Variants in GRIK3 observed in about 807,000 individuals in gnomAD.
GRIK3 encodes glutamate receptor ionotropic, kainate 3.
A neutral mutation model predicts 102.5 loss-of-function variants in GRIK3; 29 were observed. That is an observed-to-expected ratio of 0.28 (90% CI 0.21 to 0.39). The LOEUF is 0.39. GRIK3 is among the 10% of genes least tolerant of loss of function. GRIK3 has a pLI of 1.00. For missense variants in GRIK3, 908 were observed against 1,252.4 expected, an observed-to-expected ratio of 0.73 and a Z score of 4.15; for synonymous variants, 511 against 504.9, an observed-to-expected ratio of 1.01 and a Z score of -0.16.
chr1:36,920,009 T>C (rs1390265438), intron 1 of GRIK3, among the ~76,000 whole-genome samples: 1 of 152,202 alleles, frequency 6.6e-6, no homozygotes, highest in Non-Finnish European at 1.5e-5. Context: ...AAAAGCAAAG[T>C]GTGTGTCCCA....
intron 1 of GRIK3, among the ~76,000 whole-genome samples, chr1:36,902,382 C>A (rs1013211439): frequency 2.6e-5 from 4 of 152,166 alleles, no homozygotes; most frequent in African/African-American, 9.7e-5. Flanking sequence ...TATAGACAGA[C>A]AAATAGATCA....
chr1:36,955,095 A>C (rs507168), intron 1 of GRIK3, among the ~76,000 whole-genome samples: 117,778 of 152,238 alleles, frequency 0.77, 46,138 homozygotes, highest in East Asian at 0.99. Flanking sequence ...CCCCAAGCAG[A>C]CTTCAGCAGT....
At chr1:36,831,088 C>T (rs1640286077) in intron 10 of GRIK3, among the ~76,000 whole-genome samples, 1 of 152,208 alleles carries the variant, frequency 6.6e-6, no homozygotes, top group Non-Finnish European at 1.5e-5. Context: ...AACTAACATT[C>T]CTGCCACTTA....
At chr1:36,940,480 T>G (rs934674178) in intron 1 of GRIK3, among the ~76,000 whole-genome samples, 1 of 152,256 alleles carries the variant, frequency 6.6e-6, no homozygotes, top group Non-Finnish European at 1.5e-5. Flanking sequence ...TTTACCCACT[T>G]TACCCCAGAT....
intron 1 of GRIK3, among the ~76,000 whole-genome samples, chr1:36,986,597 A>C (rs1642310018): frequency 6.6e-6 from 1 of 152,242 alleles, no homozygotes; most frequent in African/African-American, 2.4e-5. Context: ...CTCTACCCTC[A>C]AGGAGCTCCC....
In GRIK3 at chr1:36,921,052, C is replaced by T. The variant is rs369423205; in HGVS notation, c.116-29956G>A. ...ATCTGGAGGTGGAGAGTGGGCATGG[C>T]GGGGCAGCCTCCAGAGGGCTGGGAG... On this transcript the variant is annotated intron_variant, in intron 1 of 15. Transcript: ENST00000373091. Among the ~76,000 whole-genome samples the T allele has an allele frequency of 1.4e-4, 21 of 152,308 alleles. No homozygotes were observed. In the East Asian group the frequency reaches 2.3e-3, roughly 17 times the overall value.
chr1:36,906,941 T>C (rs146728388), intron 1 of GRIK3, among the ~76,000 whole-genome samples: 8 of 152,366 alleles, frequency 5.3e-5, no homozygotes, highest in African/African-American at 1.7e-4. Context: ...AAGATAACTA[T>C]GTAAGATGAT....
intron 1 of GRIK3, among the ~76,000 whole-genome samples, chr1:36,918,643 T>G (rs1233959486): frequency 6.6e-6 from 1 of 152,144 alleles, no homozygotes; most frequent in African/African-American, 2.4e-5. Context: ...TGCAGCCAGG[T>G]GTGTCCAGCT....
intron 10 of GRIK3, among the ~76,000 whole-genome samples, chr1:36,832,245 T>G (rs761983895): frequency 6.6e-6 from 1 of 152,206 alleles, no homozygotes; most frequent in Non-Finnish European, 1.5e-5. Context: ...GTGTGCCCCA[T>G]GGCTGGCACA....
chr1:36,844,594 A>T (rs1640498891), intron 9 of GRIK3, among the ~76,000 whole-genome samples: 1 of 152,342 alleles, frequency 6.6e-6, no homozygotes, highest in South Asian at 2.1e-4. Context: ...AGGATCCACC[A>T]ACCACACACA....
chr1:36,955,347 C>T lies in GRIK3; in HGVS notation c.116-64251G>A, dbSNP rs990037761. 3.2e-4 allele frequency among the ~76,000 whole-genome samples: 48 copies of T among 152,302 alleles called. 1 individual carries two copies. Among genetic ancestry groups the T allele is most frequent in the Admixed American group, 2.4e-3 (36 of 15,306 alleles). ...CAACACCACCCAAACTGTGCTTCCC[C>T]GTCCACACACCGAGCAGCGCACACG... On this transcript the variant is annotated intron_variant, in intron 1 of 15. Coordinates refer to ENST00000373091, the MANE Select transcript of GRIK3 (RefSeq NM_000831.4).
At chr1:36,875,129 GA>G (rs1257855589) in intron 3 of GRIK3, among the ~76,000 whole-genome samples, 42 of 152,330 alleles carry the variant, frequency 2.8e-4, no homozygotes, top group African/African-American at 9.6e-4. Flanking sequence ...CAATGTTACA[GA>G]GAAAAATCCC....
Position 36,909,253 on chromosome 1 carries a change from G to A in GRIK3, c.116-18157C>T, listed in dbSNP as rs1641318345. Among the ~76,000 whole-genome samples the A allele has an allele frequency of 2.6e-5, 4 of 151,108 alleles. No homozygotes were observed. The East Asian group carries it at 5.8e-4, about 22-fold the overall frequency. On this transcript the variant is annotated intron_variant, in intron 1 of 15. Coordinates refer to ENST00000373091, the MANE Select transcript of GRIK3 (RefSeq NM_000831.4). ...CAGCCTGAAATCGGCCATAGTGAGA[G>A]TATTTACACCACAGAAATAAGCAGA...
At chr1:36,988,494 C>T (rs574264250) in intron 1 of GRIK3, among the ~76,000 whole-genome samples, 1 of 152,216 alleles carries the variant, frequency 6.6e-6, no homozygotes. Flanking sequence ...AAGAAGCAAC[C>T]GTGGCCGCCG....
At chr1:36,815,944 T>A (rs962682834) in intron 13 of GRIK3, among the ~76,000 whole-genome samples, 10 of 151,930 alleles carry the variant, frequency 6.6e-5, no homozygotes, top group Admixed American at 2.6e-4. Flanking sequence ...AGAGATGGGG[T>A]GTCACCATAT....
At chr1:37,022,632 G>T (rs764612985) in intron 1 of GRIK3, among the ~76,000 whole-genome samples, 1 of 152,214 alleles carries the variant, frequency 6.6e-6, no homozygotes, top group Non-Finnish European at 1.5e-5. Context: ...GACAGCATGA[G>T]CATCTTGACT....
At chr1:36,830,365 CA>C (rs144735664) in intron 10 of GRIK3, among the ~76,000 whole-genome samples, 15,072 of 147,138 alleles carry the variant, frequency 0.1, 779 homozygotes, top group Non-Finnish European at 0.13. Context: ...TATGCCCCCC[CA>C]CCCCCAATTA....
intron 10 of GRIK3, among the ~76,000 whole-genome samples, chr1:36,833,797 G>A (rs1206265266): frequency 6.6e-6 from 1 of 152,220 alleles, no homozygotes; most frequent in Non-Finnish European, 1.5e-5. Context: ...TTGGGGGACA[G>A]CTTCCCAAAT....
intron 1 of GRIK3, among the ~76,000 whole-genome samples, chr1:36,998,551 C>T (rs1042201052): frequency 1.3e-5 from 2 of 152,162 alleles, no homozygotes; most frequent in African/African-American, 4.8e-5. Context: ...ATGACAGCAG[C>T]GTCTTCTTCA....
Sources: gnomAD v4.1 joint callset for allele counts (sites outside exome capture counted in the v4.1 genomes callset) on GRCh38, gnomAD v4.1.1 for gene constraint, MANE v1.5 for transcripts, NCBI Gene and HGNC (gene_info 2026-07-23, HGNC 2026-07-21) for gene names.